The following NSD3 variants were observed in gnomAD, a reference collection of about 807,000 sequenced individuals.
NSD3 encodes the protein nuclear receptor binding SET domain protein 3.
Under a neutral mutation model 160.8 loss-of-function variants are expected in NSD3, and 24 were observed. The ratio of observed to expected loss-of-function variants is 0.15; its 90% CI spans 0.11 to 0.21. The LOEUF is 0.21. Among genes scored for constraint, NSD3 ranks in the 10% least tolerant of loss-of-function variants. The probability of loss-of-function intolerance (pLI) is 1.00; values close to 1 mark genes in which losing one functional copy is unlikely to be tolerated. For missense variants in NSD3, 1,157 were observed against 1,735.9 expected (o/e 0.67, Z 5.93); for synonymous variants, 520 against 600.0 (o/e 0.87, Z 1.95).
chr8:38,372,699 T>C (rs7845521), intron 1 of NSD3, among the ~76,000 whole-genome samples: 9,356 of 150,514 alleles, frequency 0.062, 605 homozygotes, highest in African/African-American at 0.17. Flanking sequence ...TTTCGCCATG[T>C]TGGCCAGGCT....
chr8:38,298,530 C>CTGTGTGTG (rs143129228), intron 15 of NSD3, among the ~76,000 whole-genome samples: 1 of 145,428 alleles, frequency 6.9e-6, no homozygotes, highest in Admixed American at 6.9e-5. Flanking sequence ...AATACACCTA[C>CTGTGTGTG]TGTGTGTGTG....
intron 14 of NSD3, among the ~76,000 whole-genome samples, chr8:38,304,284 G>A (rs971097100): frequency 1.3e-5 from 2 of 152,204 alleles, no homozygotes; most frequent in South Asian, 4.1e-4. Flanking sequence ...GAAGGGAAAA[G>A]ATTAATCTTT....
In NSD3 at chr8:38,334,582, G is replaced by A. The variant is rs935538284; in HGVS notation, c.910+2723C>T. ...AGCCTGGCCAACACAGTGAAACCCCGTCTCTACTAAAAATACAAAAAAAAA... is the reference window on the plus strand; with the variant it reads ...AGCCTGGCCAACACAGTGAAACCCCATCTCTACTAAAAATACAAAAAAAAA... On this transcript the variant is annotated intron_variant, in intron 4 of 23. Transcript: ENST00000317025. Among the ~76,000 whole-genome samples the A allele has an allele frequency of 2.0e-4, 30 of 151,564 alleles. No homozygotes were observed. The East Asian group carries it at 4.1e-3, about 20-fold the overall frequency.
chr8:38,312,248 GT>G (rs534283616), intron 12 of NSD3, among the ~76,000 whole-genome samples: 5 of 152,030 alleles, frequency 3.3e-5, no homozygotes, highest in Non-Finnish European at 7.4e-5. Context: ...CTACCCAACT[GT>G]TTTTTATTAA....
In NSD3 at chr8:38,276,314, G is replaced by T. The variant is rs1808601236; in HGVS notation, c.4054C>A (p.Leu1352Met). 2 of 1,614,072 alleles carry T rather than the reference G, an allele frequency of 1.2e-6. No homozygotes were observed. Among genetic ancestry groups the T allele is most frequent in the Non-Finnish European group, 1.7e-6 (2 of 1,180,042 alleles). Residue 1352 changes from leucine (L) to methionine (M), a missense_variant, in exon 23 of 24, where the codon CTG becomes ATG. Physicochemically the swap from Leu to Met is conservative, Grantham distance 15. Around this residue, in one of 10 missense-constraint regions of NSD3, gnomAD observed 222 missense variants for 409.9 expected, o/e 0.54. Transcript: ENST00000317025. ...PKAYHLLCLN[L>M]TQPPYGKWEC... ...AGCTTACCATATGGTGGCTGAGTCA[G>T]GTTAAGGCATAGGAGGTGGTATGCT...
At chr8:38,373,121 A>G (rs1009311341) in intron 1 of NSD3, among the ~76,000 whole-genome samples, 2 of 152,142 alleles carry the variant, frequency 1.3e-5, no homozygotes. Flanking sequence ...TTTTGTCCCT[A>G]AAGTCCAACT....
Position 38,316,688 on chromosome 8 carries a change from T to C in NSD3, c.1856-646A>G. On this transcript the variant is annotated intron_variant, in intron 9 of 23. Transcript: ENST00000317025. This position sits in a 1 kb window ranked among gnomAD's most constrained non-coding sequence, Gnocchi z 4.5. ...TTAGAAGGCACATTGCTGAGGGCTG[T>C]AAATGGACAATCAGTGTTCAAGTGC... is the stretch of plus-strand genomic sequence containing the variant. The C allele has an allele frequency of 3.8e-6, 4 of 1,055,372 alleles. No individual in the cohort carries two copies. The highest frequency in any genetic ancestry group is 4.6e-6 in the Non-Finnish European group (4 of 873,044). The allele number at this position is 1,055,372 out of a possible 1,614,324, so 65.4% of individuals were successfully genotyped here. A position where few individuals can be genotyped will look rare whatever the true frequency, so the allele number is the denominator to read the frequency against.
At position 38,317,100 on chromosome 8, in the gene NSD3, C is replaced by A. The variant is rs971782072; in HGVS notation, c.1856-1058G>T. The A allele has an allele frequency of 1.1e-5, 12 of 1,061,912 alleles. No homozygotes were observed. The East Asian group carries it at 6.1e-4, about 54-fold the overall frequency. 65.8% of individuals were successfully genotyped at this position (1,061,912 alleles called of 1,614,324 possible). ...CAGTCCAGAAGAGCCCATGGAGAAACAAGTCTCCTGAGGCCATGAAGATCC... is the reference window on the plus strand; with the variant it reads ...CAGTCCAGAAGAGCCCATGGAGAAAAAAGTCTCCTGAGGCCATGAAGATCC... On this transcript the variant is annotated intron_variant, in intron 9 of 23. Transcript: ENST00000317025. The surrounding 1 kb of genome is among the most constrained non-coding windows in gnomAD (Gnocchi z 5.3).
chr8:38,295,991 G>T (rs1309503716), intron 15 of NSD3, 39 bp from the exon 16 acceptor site: 3 of 1,549,612 alleles, frequency 1.9e-6, no homozygotes, highest in Non-Finnish European at 1.7e-6. Flanking sequence ...TGAGAAAAGA[G>T]GAGAGAGAAA....
intron 1 of NSD3, among the ~76,000 whole-genome samples, chr8:38,376,008 TAAAG>T (rs756597364): frequency 2.5e-4 from 38 of 152,186 alleles, no homozygotes; most frequent in Non-Finnish European, 4.6e-4. Context: ...AAAAATTAAA[TAAAG>T]TAAGCAACAG....
At chr8:38,341,510 C>T (rs1442726276) in intron 2 of NSD3, among the ~76,000 whole-genome samples, 1 of 151,148 alleles carries the variant, frequency 6.6e-6, no homozygotes. Context: ...TGGACTGTAA[C>T]CTGGGTGACA....
chr8:38,306,416 C>A (rs1180473809), intron 12 of NSD3, among the ~76,000 whole-genome samples: 3 of 151,520 alleles, frequency 2.0e-5, no homozygotes, highest in Non-Finnish European at 4.4e-5. Flanking sequence ...GGAAATCTTT[C>A]AACAAAAAAA....
intron 1 of NSD3, among the ~76,000 whole-genome samples, chr8:38,349,279 ATTGT>A (rs1810610270): frequency 6.6e-6 from 1 of 152,038 alleles, no homozygotes; most frequent in South Asian, 2.1e-4. Flanking sequence ...GTTTCTCACA[ATTGT>A]TTGATATAAT....
intron 12 of NSD3, among the ~76,000 whole-genome samples, chr8:38,308,594 G>C: frequency 6.6e-6 from 1 of 152,086 alleles, no homozygotes; most frequent in South Asian, 2.1e-4. Flanking sequence ...CGAGGCGGGA[G>C]GATCACTTGA....
Position 38,321,320 on chromosome 8 carries a change from G to C in NSD3, c.1709-148C>G. 1.6e-6 allele frequency: 1 copy of C among 615,558 alleles called. No individual in the cohort carries two copies. 38.1% of individuals were successfully genotyped at this position (615,558 alleles called of 1,614,324 possible). A position where few individuals can be genotyped will look rare whatever the true frequency, so the allele number is the denominator to read the frequency against. On this transcript the variant is annotated intron_variant, in intron 7 of 23. Coordinates refer to ENST00000317025, the MANE Select transcript of NSD3 (RefSeq NM_023034.2). The surrounding 1 kb of genome is among the most constrained non-coding windows in gnomAD (Gnocchi z 4.7). ...TCATTAAAAAATGCTAAACATTCAG[G>C]AGCATATAAATTATTTAACAGATCA...
intron 16 of NSD3, among the ~76,000 whole-genome samples, chr8:38,292,189 C>G (rs145393929): frequency 9.2e-5 from 14 of 152,256 alleles, no homozygotes; most frequent in Middle Eastern, 3.4e-3. Context: ...GCACCCTTCT[C>G]CATGCCAGAA....
Position 38,307,114 on chromosome 8 carries a change from CAA to C in NSD3, c.2243-1671_2243-1670del, listed in dbSNP as rs1194554014. On this transcript the variant is annotated intron_variant, in intron 12 of 23. Transcript: ENST00000317025. ...TGGGTGACAGAGCGAGATACCGTCT[CAA>C]AAAAAAAAAAAATAAAATAAAATAA... Among the ~76,000 whole-genome samples, 55 of 64,230 alleles carry C rather than the reference CAA, an allele frequency of 8.6e-4. No homozygotes were observed. The South Asian group carries it at 0.011, about 12-fold the overall frequency. The allele number at this position is 64,230 out of a possible 152,430, so 42.1% of individuals were successfully genotyped here.
chr8:38,286,308 C>A (rs886386330), intron 19 of NSD3, among the ~76,000 whole-genome samples: 4 of 151,102 alleles, frequency 2.6e-5, no homozygotes, highest in Non-Finnish European at 5.9e-5. Context: ...CAAACAAACA[C>A]ACACACACAC....
In NSD3 at chr8:38,316,699, T is replaced by C; in HGVS notation, c.1856-657A>G. The C allele has an allele frequency of 1.9e-6, 2 of 1,055,872 alleles. No individual in the cohort carries two copies. Among genetic ancestry groups the C allele is most frequent in the Non-Finnish European group, 2.3e-6 (2 of 873,390 alleles). 65.4% of individuals were successfully genotyped at this position (1,055,872 alleles called of 1,614,324 possible). ...ATTGCTGAGGGCTGTAAATGGACAA[T>C]CAGTGTTCAAGTGCAGCCAAATCAC... On this transcript the variant is annotated intron_variant, in intron 9 of 23. Transcript: ENST00000317025. This position sits in a 1 kb window ranked among gnomAD's most constrained non-coding sequence, Gnocchi z 4.5.
Sources: gnomAD v4.1 joint callset for allele counts (sites outside exome capture counted in the v4.1 genomes callset) on GRCh38, gnomAD v4.1.1 for gene constraint, gnomAD v4.1.1 regional missense constraint, Gnocchi (gnomAD v3.1) non-coding constraint, MANE v1.5 for transcripts, NCBI Gene and HGNC (gene_info 2026-07-23, HGNC 2026-07-21) for gene names.